The following IGF2BP3 variants were observed in gnomAD, a reference collection of about 807,000 sequenced individuals.
IGF2BP3 encodes the protein insulin like growth factor 2 mRNA binding protein 3, also known as insulin-like growth factor 2 mRNA-binding protein 3.
A neutral mutation model predicts 73.8 loss-of-function variants in IGF2BP3; 9 were observed. The observed-to-expected ratio is 0.12, with a 90% confidence interval of 0.07 to 0.21. The LOEUF (loss-of-function observed/expected upper bound fraction) is 0.21. IGF2BP3 is among the 10% of genes least tolerant of loss of function. The pLI, the probability that IGF2BP3 is intolerant of heterozygous loss-of-function variation, is 1.00. For missense variants in IGF2BP3, 542 were observed against 714.0 expected (o/e 0.76, Z 2.75); for synonymous variants, 258 against 256.7 (o/e 1.01, Z -0.05).
rs952218867 is a variant in IGF2BP3 at position 23,428,529 on chromosome 7, AT to A, written c.237-9706del. ...TGATGCTGTATAAAAGAAAAAAAAA[AT>A]ATATATATATAATATATATTTTTAA... On this transcript the variant is annotated intron_variant, in intron 2 of 14. Transcript: ENST00000258729. 5.9e-4 allele frequency among the ~76,000 whole-genome samples: 85 copies of A among 143,380 alleles called. 1 individual carries two copies. Among genetic ancestry groups the A allele is most frequent in the African/African-American group, 2.0e-3 (72 of 36,628 alleles). The allele number at this position is 143,380 out of a possible 152,430, so 94.1% of individuals were successfully genotyped here. A position where few individuals can be genotyped will look rare whatever the true frequency, so the allele number is the denominator to read the frequency against.
intron 3 of IGF2BP3, among the ~76,000 whole-genome samples, chr7:23,384,073 G>C (rs1385889618): frequency 7.0e-6 from 1 of 142,806 alleles, no homozygotes; most frequent in Admixed American, 7.3e-5. Flanking sequence ...TCCAGCCTGG[G>C]CGACAGAGCA....
chr7:23,423,665 G>A (rs373738517), intron 2 of IGF2BP3, among the ~76,000 whole-genome samples: 2 of 151,984 alleles, frequency 1.3e-5, no homozygotes, highest in African/African-American at 4.8e-5. Flanking sequence ...ATGGTGGAGG[G>A]GGGGAAAGAC....
intron 10 of IGF2BP3, among the ~76,000 whole-genome samples, chr7:23,336,555 G>T (rs539015500): frequency 6.6e-6 from 1 of 151,706 alleles, no homozygotes; most frequent in African/African-American, 2.4e-5. Context: ...ACCCAGGCGG[G>T]AGTGCAGTGG....
rs1465478646 is a variant in IGF2BP3 at position 23,311,104 on chromosome 7, G to T, written c.*1258C>A. On this transcript the variant is annotated 3_prime_UTR_variant, in exon 15 of 15. Transcript: ENST00000258729. The stretch of plus-strand genomic sequence containing the variant: ...ATCCTGTTATACTTTACTACTTAAG[G>T]TGGAGTCTAATTTTTTTTTTTTAAT... The T allele has an allele frequency of 6.6e-6, 1 of 151,820 alleles. No individual in the cohort carries two copies. The highest frequency in any genetic ancestry group is 1.5e-5 in the Non-Finnish European group (1 of 67,978). The allele number at this position is 151,820 out of a possible 1,614,324, so 9.4% of individuals were successfully genotyped here. A position where few individuals can be genotyped will look rare whatever the true frequency, so the allele number is the denominator to read the frequency against.
chr7:23,347,002 A>G (rs1328866980), intron 7 of IGF2BP3, among the ~76,000 whole-genome samples: 1 of 152,102 alleles, frequency 6.6e-6, no homozygotes, highest in African/African-American at 2.4e-5. Flanking sequence ...AAAGTTCTCT[A>G]CAAATTAAGG....
intron 3 of IGF2BP3, among the ~76,000 whole-genome samples, chr7:23,384,668 G>C (rs1323254195): frequency 6.6e-6 from 1 of 152,022 alleles, no homozygotes; most frequent in African/African-American, 2.4e-5. Flanking sequence ...AGGCAGGCAG[G>C]TTACTTGAAC....
intron 2 of IGF2BP3, among the ~76,000 whole-genome samples, chr7:23,456,485 A>G (rs1788320296): frequency 6.6e-6 from 1 of 152,258 alleles, no homozygotes; most frequent in East Asian, 1.9e-4. Context: ...GGTGCTAAGT[A>G]CGGGAGAGCA....
At chr7:23,440,488 C>A (rs190590824) in intron 2 of IGF2BP3, among the ~76,000 whole-genome samples, 1 of 152,290 alleles carries the variant, frequency 6.6e-6, no homozygotes, top group African/African-American at 2.4e-5. Context: ...CTGTTATTAA[C>A]AATCTGTATA....
At chr7:23,373,097 G>A (rs79813938) in intron 3 of IGF2BP3, among the ~76,000 whole-genome samples, 2,695 of 152,278 alleles carry the variant, frequency 0.018, 48 homozygotes, top group Non-Finnish European at 0.029. Context: ...ACCTGCACTA[G>A]AAAATCAAAT....
intron 2 of IGF2BP3, among the ~76,000 whole-genome samples, chr7:23,465,924 A>G (rs1419130114): frequency 2.0e-5 from 3 of 152,124 alleles, no homozygotes; most frequent in African/African-American, 4.8e-5. Flanking sequence ...TCCAGAGCCT[A>G]TGAAAATGGT....
chr7:23,400,109 A>G (rs549565588), intron 3 of IGF2BP3, among the ~76,000 whole-genome samples: 2 of 152,348 alleles, frequency 1.3e-5, no homozygotes, highest in Admixed American at 6.5e-5. Context: ...CTGAGCAACT[A>G]AAGAAACATT....
intron 3 of IGF2BP3, among the ~76,000 whole-genome samples, chr7:23,392,525 CAT>C (rs1583982442): frequency 1.4e-5 from 2 of 146,096 alleles, no homozygotes; most frequent in East Asian, 3.9e-4. Context: ...TACACACACA[CAT>C]ACACACACAC....
At chr7:23,455,686 G>A (rs1788298868) in intron 2 of IGF2BP3, among the ~76,000 whole-genome samples, 1 of 132,566 alleles carries the variant, frequency 7.5e-6, no homozygotes, top group Non-Finnish European at 1.7e-5. Flanking sequence ...CAGGACAAGG[G>A]TCTTACTATT....
chr7:23,381,305 C>T (rs1770202755), intron 3 of IGF2BP3, among the ~76,000 whole-genome samples: 2 of 152,294 alleles, frequency 1.3e-5, no homozygotes. Flanking sequence ...ACATGCCCAG[C>T]GGGACAGGAA....
chr7:23,341,692 A>G (rs1312019913), intron 10 of IGF2BP3, among the ~76,000 whole-genome samples: 1 of 152,074 alleles, frequency 6.6e-6, no homozygotes, highest in Non-Finnish European at 1.5e-5. Flanking sequence ...AATAACCACC[A>G]TGGCACATGT....
intron 7 of IGF2BP3, 73 bp downstream of exon 7, chr7:23,347,527 A>G: frequency 9.9e-6 from 15 of 1,518,706 alleles, no homozygotes; most frequent in Non-Finnish European, 1.3e-5. Flanking sequence ...ATTCCCAAGA[A>G]TTGTGTCAGA....
intron 3 of IGF2BP3, among the ~76,000 whole-genome samples, chr7:23,376,186 G>T (rs1214884889): frequency 6.6e-6 from 1 of 152,180 alleles, no homozygotes; most frequent in African/African-American, 2.4e-5. Flanking sequence ...ACTAACAAGG[G>T]ATCACTGGAA....
intron 3 of IGF2BP3, among the ~76,000 whole-genome samples, chr7:23,399,384 T>TATA (rs975790601): frequency 3.4e-5 from 5 of 147,958 alleles, no homozygotes; most frequent in African/African-American, 1.2e-4. Flanking sequence ...AAACTTAAAG[T>TATA]ATAATAATAA....
intron 3 of IGF2BP3, among the ~76,000 whole-genome samples, chr7:23,411,722 G>T (rs1187533322): frequency 6.6e-6 from 1 of 152,134 alleles, no homozygotes; most frequent in Non-Finnish European, 1.5e-5. Context: ...TGCCTTTAAA[G>T]ATGCCAACAT....
Sources: gnomAD v4.1 joint callset for allele counts (sites outside exome capture counted in the v4.1 genomes callset) on GRCh38, gnomAD v4.1.1 for gene constraint, MANE v1.5 for transcripts, NCBI Gene and HGNC (gene_info 2026-07-23, HGNC 2026-07-21) for gene names.